OSBPL9: variants seen among roughly 807,000 people sequenced by gnomAD.
OSBPL9 encodes the protein oxysterol binding protein like 9.
In OSBPL9, 40 loss-of-function variants were observed where a neutral mutation model predicts 106.6. The observed-to-expected ratio is 0.38, with a 90% CI of 0.29 to 0.49. OSBPL9 has a LOEUF of 0.49. Among genes scored for constraint, OSBPL9 ranks in the 20% least tolerant of loss-of-function variants. OSBPL9 has a pLI of 0.97. For synonymous variants in OSBPL9, 269 were observed against 295.4 expected, an observed-to-expected ratio of 0.91 and a Z score of 0.92; for missense variants, 609 against 887.2, an observed-to-expected ratio of 0.69 and a Z score of 3.98.
At chr1:51,696,703 C>T (rs917113927) in intron 3 of OSBPL9, among the ~76,000 whole-genome samples, 1 of 152,182 alleles carries the variant, frequency 6.6e-6, no homozygotes, top group Non-Finnish European at 1.5e-5. Flanking sequence ...TACTTTGAAA[C>T]AGTCTAACAA....
chr1:51,576,718 G>A (rs760879322), upstream of OSBPL9, among the ~76,000 whole-genome samples: 1 of 152,034 alleles, frequency 6.6e-6, no homozygotes, highest in African/African-American at 2.4e-5. Flanking sequence ...TTGAAATTAG[G>A]ATCTCACTAT....
chr1:51,538,652 T>A, the OSBPL9 span: 3 of 152,344 alleles, frequency 2.0e-5, no homozygotes, highest in East Asian at 5.8e-4. Context: ...CACAGATGTG[T>A]CATCCTTGTG....
At chr1:51,594,506 A>G (rs975260057) in intron 1 of OSBPL9, among the ~76,000 whole-genome samples, 1 of 152,194 alleles carries the variant, frequency 6.6e-6, no homozygotes, top group Non-Finnish European at 1.5e-5. Context: ...GGGTTCACCC[A>G]TTTGTGTTTT....
chr1:51,754,016 C>T (rs764732250), intron 8 of OSBPL9, among the ~76,000 whole-genome samples: 2 of 152,196 alleles, frequency 1.3e-5, no homozygotes, highest in Non-Finnish European at 2.9e-5. Flanking sequence ...AGAAGACATC[C>T]CTCCCCTTAC....
At chr1:51,715,417 T>G (rs1258667211) in intron 4 of OSBPL9, among the ~76,000 whole-genome samples, 1 of 152,162 alleles carries the variant, frequency 6.6e-6, no homozygotes. Context: ...AAGAGGAGGA[T>G]AAGTGTTTTT....
chr1:51,590,619 CAA>C (rs572208174), intron 1 of OSBPL9, among the ~76,000 whole-genome samples: 8 of 53,180 alleles, frequency 1.5e-4, no homozygotes, highest in Admixed American at 2.0e-4. Context: ...GACTCCGTCT[CAA>C]AAAAAAAAAA....
At chr1:51,608,384 C>T (rs941699462) in intron 2 of OSBPL9, among the ~76,000 whole-genome samples, 1 of 152,160 alleles carries the variant, frequency 6.6e-6, no homozygotes, top group African/African-American at 2.4e-5. Flanking sequence ...GCTCTGACTC[C>T]TGGGTTCAAG....
At chr1:51,616,985 C>T (rs1360942494), upstream of OSBPL9, 3 of 1,485,894 alleles carry the variant, frequency 2.0e-6, no homozygotes, top group Non-Finnish European at 2.7e-6. Flanking sequence ...ATCGCTGGAG[C>T]ATCTGCCGGC....
chr1:51,676,378 C>T (rs1033525920), intron 3 of OSBPL9, among the ~76,000 whole-genome samples: 32 of 151,244 alleles, frequency 2.1e-4, no homozygotes, highest in Admixed American at 1.7e-3. Flanking sequence ...TGTAGTGAGC[C>T]GAGATCCCAC....
intron 3 of OSBPL9, among the ~76,000 whole-genome samples, chr1:51,681,416 C>T (rs895458733): frequency 5.9e-5 from 9 of 152,082 alleles, no homozygotes; most frequent in African/African-American, 1.7e-4. Flanking sequence ...ATATAGGCAA[C>T]GGACCAGAGT....
the OSBPL9 span, among the ~76,000 whole-genome samples, chr1:51,532,784 G>C: frequency 6.6e-6 from 1 of 152,034 alleles, no homozygotes. Context: ...AATTTAGGTG[G>C]GTAAAAAGGG....
In OSBPL9 at chr1:51,750,144, G is replaced by A; in HGVS notation, c.493-1G>A. 1.3e-6 allele frequency: 2 copies of A among 1,595,338 alleles called. No individual in the cohort carries two copies. Among genetic ancestry groups the A allele is most frequent in the Non-Finnish European group, 1.7e-6 (2 of 1,172,206 alleles). On this transcript the variant is annotated splice_acceptor_variant, in intron 7 of 23. Coordinates refer to ENST00000428468, the MANE Select transcript of OSBPL9 (RefSeq NM_024586.6). LOFTEE classifies it high-confidence loss of function. ...CTAAAATCAGTGTTTTGTTTTTATAGAGCATGGTAGAATCAATTAAACACT... is the reference window on the plus strand; with the variant it reads ...CTAAAATCAGTGTTTTGTTTTTATAAAGCATGGTAGAATCAATTAAACACT...
At chr1:51,752,579 A>C (rs1480279098) in intron 8 of OSBPL9, 4 of 454,690 alleles carry the variant, frequency 8.8e-6, no homozygotes, top group South Asian at 4.7e-5. Context: ...AAAATACCAT[A>C]GACTGGGTGG....
chr1:51,549,780 C>T, the OSBPL9 span, among the ~76,000 whole-genome samples: 2 of 152,250 alleles, frequency 1.3e-5, no homozygotes, highest in African/African-American at 4.8e-5. Context: ...TTACAGTAAG[C>T]TGAGATTGTG....
chr1:51,743,705 G>A (rs1667398320), intron 4 of OSBPL9, among the ~76,000 whole-genome samples: 1 of 152,036 alleles, frequency 6.6e-6, no homozygotes, highest in African/African-American at 2.4e-5. Flanking sequence ...TTACATTGCT[G>A]TGTGAAACAA....
chr1:51,787,962 CT>C lies in OSBPL9; in HGVS notation c.*177del. On this transcript the variant is annotated 3_prime_UTR_variant, in exon 24 of 24. Transcript: ENST00000428468. ...TGAACAATTAAGGGGAAAAGCTTCC[CT>C]TTTCCCTCTGTGGCAGTTACGATTT... 1.7e-6 allele frequency: 1 copy of C among 600,040 alleles called. No individual in the cohort carries two copies. Among genetic ancestry groups the C allele is most frequent in the Non-Finnish European group, 2.9e-6 (1 of 348,362 alleles). 37.2% of individuals were successfully genotyped at this position (600,040 alleles called of 1,614,324 possible). A position where few individuals can be genotyped will look rare whatever the true frequency, so the allele number is the denominator to read the frequency against.
intron 1 of OSBPL9, among the ~76,000 whole-genome samples, chr1:51,650,066 A>G (rs1646419853): frequency 6.6e-6 from 1 of 151,914 alleles, no homozygotes; most frequent in African/African-American, 2.4e-5. Context: ...TTGTAGAGAT[A>G]GAGTTTCGCC....
At position 51,788,417 on chromosome 1, in the gene OSBPL9, T is replaced by C. The variant is rs1678215885; in HGVS notation, c.*628T>C. On this transcript the variant is annotated 3_prime_UTR_variant, in exon 24 of 24. Coordinates refer to ENST00000428468, the MANE Select transcript of OSBPL9 (RefSeq NM_024586.6). ...TCCTGGATTACAGTTTAATTAATTA[T>C]TCTTAGTGCTTAAGGCTTCATAAAG... is the stretch of plus-strand genomic sequence containing the variant. The C allele has an allele frequency of 6.6e-6, 1 of 152,424 alleles. No individual in the cohort carries two copies. 9.4% of individuals were successfully genotyped at this position (152,424 alleles called of 1,614,324 possible).
intron 16 of OSBPL9, 66 bp downstream of exon 16, chr1:51,781,401 G>A (rs1676355265): frequency 6.9e-7 from 1 of 1,446,658 alleles, no homozygotes; most frequent in East Asian, 2.4e-5. Flanking sequence ...TTATTTAGGG[G>A]CAAATAATAA....
Sources: allele counts gnomAD v4.1 joint callset (sites outside exome capture counted in the v4.1 genomes callset), GRCh38; gene constraint gnomAD v4.1.1; transcripts MANE v1.5; gene names NCBI Gene and HGNC (gene_info 2026-07-23, HGNC 2026-07-21).